CNTNAP4: variants seen among roughly 807,000 people sequenced by gnomAD.
CNTNAP4 encodes the protein contactin associated protein family member 4.
Under a neutral mutation model 148.4 loss-of-function variants are expected in CNTNAP4, and 98 were observed. The ratio of observed to expected loss-of-function variants is 0.66; its 90% CI spans 0.56 to 0.78. The LOEUF (loss-of-function observed/expected upper bound fraction) is 0.78. Among genes scored for constraint, CNTNAP4 ranks in the 30% least tolerant of loss-of-function variants. The probability of loss-of-function intolerance (pLI) is 0.00; values close to 1 mark genes in which losing one functional copy is unlikely to be tolerated. For missense variants in CNTNAP4, 1,935 were observed against 1,565.6 expected (o/e 1.24, Z -3.98); for synonymous variants, 730 against 565.1 (o/e 1.29, Z -4.14).
intron 15 of CNTNAP4, among the ~76,000 whole-genome samples, chr16:76,499,241 A>G (rs1231875562): frequency 6.6e-6 from 1 of 152,026 alleles, no homozygotes; most frequent in East Asian, 1.9e-4. Flanking sequence ...GAAGGCTACT[A>G]TCATGACCCT....
intron 2 of CNTNAP4, among the ~76,000 whole-genome samples, chr16:76,331,736 T>C (rs1054141123): frequency 6.6e-6 from 1 of 152,156 alleles, no homozygotes; most frequent in Non-Finnish European, 1.5e-5. Flanking sequence ...GTCTTTTAAA[T>C]TATATAGGAA....
At chr16:76,313,238 A>G (rs2144057200) in intron 1 of CNTNAP4, among the ~76,000 whole-genome samples, 1 of 152,322 alleles carries the variant, frequency 6.6e-6, no homozygotes, top group South Asian at 2.1e-4. Flanking sequence ...GAGTGGTTGT[A>G]CCAGAGAGGC....
chr16:76,470,063 G>C (rs573854801), intron 10 of CNTNAP4, among the ~76,000 whole-genome samples: 1 of 152,170 alleles, frequency 6.6e-6, no homozygotes, highest in South Asian at 2.1e-4. Flanking sequence ...TTTAAATCAA[G>C]CCTCACAAAA....
At position 76,495,038 on chromosome 16, in the gene CNTNAP4, T is replaced by A; in HGVS notation, c.2209T>A (p.Cys737Ser). The change falls in exon 14 of 24, where the codon TGC (cysteine) becomes AGC (serine). Residue 737 changes from cysteine (C) to serine (S), a missense_variant. By Grantham distance (112) the Cys-to-Ser change is moderately radical. Transcript: ENST00000611870. Reference protein sequence around the residue: ...EGNCIDSQYYCNCDADRNEWT... With the variant: ...EGNCIDSQYYSNCDADRNEWT... ...AAACTGCATTGATTCTCAGTATTAC[T>A]GCAATTGTGATGCTGACCGGAATGA... is the stretch of plus-strand genomic sequence containing the variant. 6.2e-7 allele frequency: 1 copy of A among 1,613,480 alleles called. No homozygotes were observed. Among genetic ancestry groups the A allele is most frequent in the Non-Finnish European group, 8.5e-7 (1 of 1,179,484 alleles).
In CNTNAP4 at chr16:76,476,120, G is replaced by A. The variant is rs1290006677; in HGVS notation, c.1762+75G>A. 4 of 988,682 alleles carry A rather than the reference G, an allele frequency of 4.0e-6. No individual in the cohort carries two copies. The African/African-American group carries it at 6.4e-5, about 16-fold the overall frequency. The allele number at this position is 988,682 out of a possible 1,614,324, so 61.2% of individuals were successfully genotyped here. On this transcript the variant is annotated intron_variant, in intron 11 of 23. Coordinates refer to ENST00000611870, the MANE Select transcript of CNTNAP4 (RefSeq NM_033401.5). ...CCCATTTCCCTTTTCATTGCTGTGT[G>A]TATATATGTCTGTTCTGTGCAAACT... is the stretch of plus-strand genomic sequence containing the variant.
chr16:76,426,019 C>T (rs879355997), intron 3 of CNTNAP4, among the ~76,000 whole-genome samples: 4 of 152,024 alleles, frequency 2.6e-5, no homozygotes, highest in East Asian at 1.9e-4. Context: ...CTTTGTTGAA[C>T]TGAGTGGTCA....
chr16:76,286,998 A>G (rs368971597), intron 1 of CNTNAP4, among the ~76,000 whole-genome samples: 7 of 152,306 alleles, frequency 4.6e-5, no homozygotes, highest in African/African-American at 1.7e-4. Flanking sequence ...TTCTGTGCTT[A>G]TTTGAACTGC....
intron 3 of CNTNAP4, among the ~76,000 whole-genome samples, chr16:76,365,119 T>G (rs1461478004): frequency 6.6e-6 from 1 of 152,208 alleles, no homozygotes; most frequent in Non-Finnish European, 1.5e-5. Flanking sequence ...CAACACCATT[T>G]ATTAAATAGG....
At chr16:76,420,097 T>C (rs2079123888) in intron 3 of CNTNAP4, among the ~76,000 whole-genome samples, 1 of 124,072 alleles carries the variant, frequency 8.1e-6, no homozygotes. Context: ...TCTAGTTTGT[T>C]TGTCTTTTTT....
At chr16:76,490,514 G>A (rs2082178173) in intron 13 of CNTNAP4, among the ~76,000 whole-genome samples, 1 of 147,278 alleles carries the variant, frequency 6.8e-6, no homozygotes, top group South Asian at 2.3e-4. Flanking sequence ...CTGCCTTACA[G>A]TAAGCCTTCA....
chr16:76,541,570 T>C (rs913974356), intron 21 of CNTNAP4, among the ~76,000 whole-genome samples: 1 of 152,214 alleles, frequency 6.6e-6, no homozygotes, highest in Non-Finnish European at 1.5e-5. Context: ...ATCTGAAATA[T>C]TTTGTCCAAG....
rs556833652 is a variant in CNTNAP4 at position 76,440,086 on chromosome 16, A to G, written c.539-7926A>G. On this transcript the variant is annotated intron_variant, in intron 4 of 23. Coordinates refer to ENST00000611870, the MANE Select transcript of CNTNAP4 (RefSeq NM_033401.5). Reference sequence around the variant, plus strand: ...AATAACTTTCAAATAAATAAACAGTATGATCAGTGTTTAAGGCTGACTTCA... The same window carrying G: ...AATAACTTTCAAATAAATAAACAGTGTGATCAGTGTTTAAGGCTGACTTCA... Among the ~76,000 whole-genome samples, 10 of 152,312 alleles carry G rather than the reference A, an allele frequency of 6.6e-5. No homozygotes were observed. The East Asian group carries it at 1.9e-3, about 29-fold the overall frequency.
intron 23 of CNTNAP4, among the ~76,000 whole-genome samples, chr16:76,556,386 G>A (rs573233108): frequency 6.6e-4 from 101 of 152,144 alleles, no homozygotes; most frequent in African/African-American, 2.1e-3. Flanking sequence ...GGTATAACAC[G>A]TGTGATCAAA....
intron 4 of CNTNAP4, among the ~76,000 whole-genome samples, chr16:76,436,043 G>T (rs1410610348): frequency 1.3e-5 from 2 of 152,054 alleles, no homozygotes; most frequent in South Asian, 2.1e-4. Flanking sequence ...TCACCTCTAG[G>T]GGCCCGCCAG....
intron 3 of CNTNAP4, among the ~76,000 whole-genome samples, chr16:76,377,438 C>T (rs1176242659): frequency 6.6e-6 from 1 of 151,976 alleles, no homozygotes; most frequent in African/African-American, 2.4e-5. Context: ...CGGAAAGATT[C>T]AGTGGTCTAT....
At chr16:76,332,584 A>G (rs886667738) in intron 2 of CNTNAP4, among the ~76,000 whole-genome samples, 1 of 152,020 alleles carries the variant, frequency 6.6e-6, no homozygotes, top group African/African-American at 2.4e-5. Context: ...TTGATACATA[A>G]TCAACTGACA....
At chr16:76,556,500 ACTGT>A (rs925588886) in intron 23 of CNTNAP4, among the ~76,000 whole-genome samples, 2 of 152,126 alleles carry the variant, frequency 1.3e-5, no homozygotes, top group African/African-American at 4.8e-5. Flanking sequence ...CCTGATTTTG[ACTGT>A]CTGGATATTC....
intron 15 of CNTNAP4, among the ~76,000 whole-genome samples, chr16:76,508,180 A>C (rs2082894890): frequency 1.0e-5 from 1 of 97,648 alleles, no homozygotes; most frequent in Non-Finnish European, 2.9e-5. Context: ...AGAATGATTT[A>C]ATATATGCAT....
At chr16:76,467,083 T>G (rs2081200243) in intron 9 of CNTNAP4, among the ~76,000 whole-genome samples, 1 of 152,176 alleles carries the variant, frequency 6.6e-6, no homozygotes, top group Non-Finnish European at 1.5e-5. Flanking sequence ...GAGCCAATGT[T>G]TATATTTTTC....
Sources: allele counts gnomAD v4.1 joint callset (sites outside exome capture counted in the v4.1 genomes callset), GRCh38; gene constraint gnomAD v4.1.1; transcripts MANE v1.5; gene names NCBI Gene and HGNC (gene_info 2026-07-23, HGNC 2026-07-21).